CCDC171: variants seen among roughly 807,000 people sequenced by gnomAD.
The protein encoded by CCDC171 is coiled-coil domain containing 171, also known as coiled-coil domain-containing protein 171.
CCDC171 carries 177 observed loss-of-function variants against 168.2 expected under a neutral mutation model. That is an observed-to-expected ratio of 1.05 (90% CI 0.93 to 1.19). The LOEUF (loss-of-function observed/expected upper bound fraction) is 1.19. CCDC171 is among the 50% of genes most tolerant of loss of function. The pLI is 0.00. For synonymous variants in CCDC171, 687 were observed against 540.8 expected (o/e 1.27, Z -3.75); for missense variants, 1,991 against 1,539.0 (o/e 1.29, Z -4.91).
intron 25 of CCDC171, among the ~76,000 whole-genome samples, chr9:15,936,888 T>G (rs1431307901): frequency 6.6e-6 from 1 of 152,042 alleles, no homozygotes; most frequent in African/African-American, 2.4e-5. Context: ...GTCACCCTGT[T>G]TGACAACTTT....
At chr9:15,592,867 T>C (rs1490604319) in intron 5 of CCDC171, among the ~76,000 whole-genome samples, 1 of 152,070 alleles carries the variant, frequency 6.6e-6, no homozygotes, top group African/African-American at 2.4e-5. Context: ...TTTTTGTTTT[T>C]ATTTTTATTT....
intron 9 of CCDC171, among the ~76,000 whole-genome samples, chr9:15,671,222 A>G (rs896656116): frequency 3.3e-5 from 5 of 152,144 alleles, no homozygotes; most frequent in African/African-American, 9.7e-5. Flanking sequence ...ACACTAACAG[A>G]ACCGAAAGTC....
rs547175004 is a variant in CCDC171 at position 15,608,987 on chromosome 9, T to A, written c.676-14280T>A. Among the ~76,000 whole-genome samples, 990 of 140,434 alleles carry A rather than the reference T, an allele frequency of 7.0e-3. 7 individuals carry two copies. Among genetic ancestry groups the A allele is most frequent in the South Asian group, 0.011 (49 of 4,314 alleles). The allele number at this position is 140,434 out of a possible 152,430, so 92.1% of individuals were successfully genotyped here. A position where few individuals can be genotyped will look rare whatever the true frequency, so the allele number is the denominator to read the frequency against. On this transcript the variant is annotated intron_variant, in intron 6 of 25. Coordinates refer to ENST00000380701, the MANE Select transcript of CCDC171 (RefSeq NM_173550.4). ...AAAAAAAAAAAGAGTGGTTTTTTTT[T>A]AAAAAATATATTTAGTAACTAACCC...
intron 3 of CCDC171, among the ~76,000 whole-genome samples, chr9:15,984,428 A>ATG (rs947912476): frequency 2.0e-5 from 3 of 148,182 alleles, no homozygotes; most frequent in Non-Finnish European, 3.0e-5. Context: ...GTACATATAT[A>ATG]TGTGTGTGTG....
intron 7 of CCDC171, among the ~76,000 whole-genome samples, chr9:15,635,610 A>G (rs2046141436): frequency 6.6e-6 from 1 of 152,116 alleles, no homozygotes; most frequent in African/African-American, 2.4e-5. Flanking sequence ...CACTGACTCA[A>G]ATGTTAATTT....
chr9:15,952,660 G>T (rs555294778), intron 25 of CCDC171, among the ~76,000 whole-genome samples: 1 of 152,170 alleles, frequency 6.6e-6, no homozygotes, highest in African/African-American at 2.4e-5. Flanking sequence ...GCCTCTCAAA[G>T]TGCTGGGATT....
intron 18 of CCDC171, among the ~76,000 whole-genome samples, chr9:15,772,808 C>T (rs984845719): frequency 2.2e-4 from 33 of 150,900 alleles, no homozygotes; most frequent in African/African-American, 5.6e-4. Context: ...GAGAAGAGTG[C>T]GTCTTAGATA....
intron 4 of CCDC171, among the ~76,000 whole-genome samples, chr9:15,587,260 C>G (rs1179698632): frequency 6.6e-6 from 1 of 152,184 alleles, no homozygotes; most frequent in Non-Finnish European, 1.5e-5. Context: ...CATCTTGTAG[C>G]TGTCATAATT....
chr9:16,038,752 A>G (rs1021761526), upstream of CCDC171, among the ~76,000 whole-genome samples: 2 of 151,910 alleles, frequency 1.3e-5, no homozygotes, highest in African/African-American at 4.8e-5. Flanking sequence ...GTTAAAACAC[A>G]GAGATTGTTA....
chr9:15,866,570 A>G (rs534753752), intron 23 of CCDC171, among the ~76,000 whole-genome samples: 36 of 152,132 alleles, frequency 2.4e-4, no homozygotes, highest in African/African-American at 8.7e-4. Context: ...GACAATGATG[A>G]GTTTTGTTTT....
chr9:15,748,123 G>T (rs1262955283), intron 18 of CCDC171, among the ~76,000 whole-genome samples: 1 of 152,068 alleles, frequency 6.6e-6, no homozygotes, highest in Non-Finnish European at 1.5e-5. Flanking sequence ...ACCTCTCTGG[G>T]CCTCAATTTT....
intron 6 of CCDC171, among the ~76,000 whole-genome samples, chr9:15,603,980 G>T (rs1370067320): frequency 6.6e-6 from 1 of 151,910 alleles, no homozygotes; most frequent in African/African-American, 2.4e-5. Context: ...TTGTGATTTT[G>T]ACTTGCATTT....
At chr9:15,594,016 A>G (rs928225847) in intron 5 of CCDC171, 25 bp from the exon 6 acceptor site, 3 of 1,537,182 alleles carry the variant, frequency 2.0e-6, no homozygotes, top group African/African-American at 2.8e-5. Flanking sequence ...ATCTAACAGT[A>G]AAGCAAGATT....
At chr9:15,991,927 G>A (rs547133040) in intron 3 of CCDC171, among the ~76,000 whole-genome samples, 41 of 152,270 alleles carry the variant, frequency 2.7e-4, no homozygotes, top group South Asian at 1.4e-3. Flanking sequence ...TGAAATTGAG[G>A]CAATAATTAA....
chr9:15,824,771 A>T (rs750739409), intron 21 of CCDC171, among the ~76,000 whole-genome samples: 52 of 152,020 alleles, frequency 3.4e-4, no homozygotes, highest in Non-Finnish European at 6.6e-4. Flanking sequence ...GATTTATCAT[A>T]GTACTTTGAT....
chr9:16,090,296 C>T, the CCDC171 span, among the ~76,000 whole-genome samples: 3 of 152,230 alleles, frequency 2.0e-5, no homozygotes, highest in East Asian at 5.8e-4. Flanking sequence ...TGGAAACCAT[C>T]AGTCTCAGCA....
chr9:16,073,391 C>T, the CCDC171 span, among the ~76,000 whole-genome samples: 4 of 152,186 alleles, frequency 2.6e-5, no homozygotes, highest in African/African-American at 9.6e-5. Flanking sequence ...AGAGCTCTTA[C>T]TTATTTGCTG....
At chr9:15,592,053 C>G (rs542623086) in intron 5 of CCDC171, among the ~76,000 whole-genome samples, 18 of 151,758 alleles carry the variant, frequency 1.2e-4, no homozygotes, top group African/African-American at 4.4e-4. Context: ...TCTCTTTTTA[C>G]TCCCTAAAGT....
At chr9:15,866,137 T>C (rs1452595237) in intron 23 of CCDC171, among the ~76,000 whole-genome samples, 1 of 151,956 alleles carries the variant, frequency 6.6e-6, no homozygotes, top group Non-Finnish European at 1.5e-5. Context: ...AGCTAGGTCA[T>C]GGAAGGCCTT....
Sources: gnomAD v4.1 joint callset for allele counts (sites outside exome capture counted in the v4.1 genomes callset) on GRCh38, gnomAD v4.1.1 for gene constraint, MANE v1.5 for transcripts, NCBI Gene and HGNC (gene_info 2026-07-23, HGNC 2026-07-21) for gene names.